RRAGC: variants seen among roughly 807,000 people sequenced by gnomAD.
RRAGC encodes ras-related GTP-binding protein C.
Under a neutral mutation model 37.1 loss-of-function variants are expected in RRAGC, and 8 were observed. That is an observed-to-expected ratio of 0.22 (90% CI 0.13 to 0.39). The LOEUF is 0.39. Among genes scored for constraint, RRAGC ranks in the 10% least tolerant of loss-of-function variants. RRAGC has a pLI of 1.00. For synonymous variants in RRAGC, 190 were observed against 181.1 expected (o/e 1.05, Z -0.39); for missense variants, 342 against 497.6 (o/e 0.69, Z 2.98).
chr1:38,845,786 T>C (rs902836115), intron 6 of RRAGC, among the ~76,000 whole-genome samples, 153 bp downstream of exon 6: 2 of 152,124 alleles, frequency 1.3e-5, no homozygotes, highest in Non-Finnish European at 2.9e-5. Context: ...GTCTGGACTA[T>C]ACATGGAAGG....
At chr1:38,848,220 T>C (rs1011922577) in intron 5 of RRAGC, 5 of 152,144 alleles carry the variant, frequency 3.3e-5, no homozygotes, top group African/African-American at 1.2e-4. Context: ...TTTAAGAGTA[T>C]AGAAGAAAAC....
Position 38,857,002 on chromosome 1 carries a change from A to T in RRAGC, c.318T>A (p.Asn106Lys). 4 of 1,614,042 alleles carry T rather than the reference A, an allele frequency of 2.5e-6. No homozygotes were observed. Among genetic ancestry groups the T allele is most frequent in the Non-Finnish European group, 3.4e-6 (4 of 1,179,922 alleles). Residue 106 changes from asparagine (N) to lysine (K), a missense_variant, in exon 2 of 7, where the codon AAT (asparagine) becomes AAA (lysine). Asn to Lys is a moderately conservative substitution (Grantham distance 94). Coordinates refer to ENST00000373001, the MANE Select transcript of RRAGC (RefSeq NM_022157.4). ...TNKIYKDDIS[N>K]SSFVNFQIWD... Reference sequence around the variant, plus strand: ...ATATCTGGAAATTCACAAAGGAGCTATTGGAAATGTCATCCTTATAAATCT... The same window carrying T: ...ATATCTGGAAATTCACAAAGGAGCTTTTGGAAATGTCATCCTTATAAATCT...
Position 38,856,981 on chromosome 1 carries a change from C to T in RRAGC, c.339G>A (p.Gln113=). 6.2e-7 allele frequency: 1 copy of T among 1,614,054 alleles called. No individual in the cohort carries two copies. The highest frequency in any genetic ancestry group is 8.5e-7 in the Non-Finnish European group (1 of 1,179,974). ...CCATTTGCCCAGGAAAATCCCATAT[C>T]TGGAAATTCACAAAGGAGCTATTGG... is the stretch of plus-strand genomic sequence containing the variant. The part of the protein sequence containing the change: ...DISNSSFVNF[Q]IWDFPGQMDF... Residue 113 remains glutamine, a synonymous_variant, in exon 2 of 7, where the codon CAG becomes CAA. Coordinates refer to ENST00000373001, the MANE Select transcript of RRAGC (RefSeq NM_022157.4).
chr1:38,858,119 C>G (rs1642189423), intron 1 of RRAGC, among the ~76,000 whole-genome samples: 1 of 151,354 alleles, frequency 6.6e-6, no homozygotes, highest in Non-Finnish European at 1.5e-5. Context: ...TAAAAACCTA[C>G]AGTCAACGTA....
Position 38,856,753 on chromosome 1 carries a change from A to G in RRAGC, c.441+126T>C. On this transcript the variant is annotated intron_variant, in intron 2 of 6. Transcript: ENST00000373001. ...AAAGCACTCTGCAACTGCATCTCTT[A>G]CACTGTTAGGGAATCTACTGCCAAA... 3.6e-6 allele frequency: 3 copies of G among 829,750 alleles called. No homozygotes were observed. In the East Asian group the frequency reaches 7.7e-5, roughly 21 times the overall value. The allele number at this position is 829,750 out of a possible 1,614,324, so 51.4% of individuals were successfully genotyped here.
rs1641920110 is a variant in RRAGC at position 38,839,190 on chromosome 1, A to T, written c.*363T>A. On this transcript the variant is annotated 3_prime_UTR_variant, in exon 7 of 7. Coordinates refer to ENST00000373001, the MANE Select transcript of RRAGC (RefSeq NM_022157.4). ...AGCATATAAAAATTCAGTCTTTTCT[A>T]TTATTTTCAACTGGAATTGATGGCA... 5.4e-6 allele frequency: 1 copy of T among 183,630 alleles called. No individual in the cohort carries two copies. The highest frequency in any genetic ancestry group is 6.0e-5 in the Admixed American group (1 of 16,620). 11.4% of individuals were successfully genotyped at this position (183,630 alleles called of 1,614,324 possible). A position where few individuals can be genotyped will look rare whatever the true frequency, so the allele number is the denominator to read the frequency against.
At chr1:38,844,409 C>T (rs34513634) in intron 6 of RRAGC, among the ~76,000 whole-genome samples, 9,769 of 146,246 alleles carry the variant, frequency 0.067, 384 homozygotes, top group Middle Eastern at 0.16. Context: ...CTAGAAAATA[C>T]GCAAGCAGAA....
At chr1:38,846,598 A>G (rs1463081347) in intron 5 of RRAGC, 2 of 152,522 alleles carry the variant, frequency 1.3e-5, no homozygotes, top group Non-Finnish European at 2.9e-5. Flanking sequence ...TACTTAGACT[A>G]AACAAGAACA....
rs755057549 is a variant in RRAGC at position 38,839,563 on chromosome 1, T to A, written c.1190A>T (p.Asn397Ile). ...ACGCTGGGATTCAGACTAGATGGCG[T>A]TTCGTGGCGTGCCATTGTGTGTCAG... ...KALTHNGTPR[N>I]AI The change falls in exon 7 of 7, where the codon AAC (asparagine) becomes ATC (isoleucine). Residue 397 changes from asparagine to isoleucine, a missense_variant. Asn to Ile is a moderately radical substitution (Grantham distance 149). Around this residue, in one of 3 missense-constraint regions of RRAGC, gnomAD observed 104 missense variants for 127.0 expected, o/e 0.82. Coordinates refer to ENST00000373001, the MANE Select transcript of RRAGC (RefSeq NM_022157.4). 1.9e-6 allele frequency: 3 copies of A among 1,613,782 alleles called. No homozygotes were observed. In the African/African-American group the frequency reaches 4.0e-5, roughly 22 times the overall value.
Position 38,839,658 on chromosome 1 carries a change from C to T in RRAGC, c.1095G>A (p.Glu365=), listed in dbSNP as rs1220291424. 1 of 1,614,046 alleles carries T rather than the reference C, an allele frequency of 6.2e-7. No individual in the cohort carries two copies. Among genetic ancestry groups the T allele is most frequent in the Non-Finnish European group, 8.5e-7 (1 of 1,180,032 alleles). ...NFHCFRKAIH[E]VFEVGVTSHR... The stretch of plus-strand genomic sequence containing the variant: ...GAGAAGTCACACCCACCTCAAAAAC[C>T]TCATGAATAGCTTTTCGGAAACAGT... The change falls in exon 7 of 7, where the codon GAG becomes GAA. Residue 365 remains glutamate (E), a synonymous_variant. Coordinates refer to ENST00000373001, the MANE Select transcript of RRAGC (RefSeq NM_022157.4).
intron 2 of RRAGC, 30 bp downstream of exon 2, chr1:38,856,849 G>T (rs753753230): frequency 1.9e-6 from 3 of 1,596,032 alleles, no homozygotes; most frequent in Non-Finnish European, 2.6e-6. Flanking sequence ...TTTCCCACCA[G>T]GAAAGAGGAG....
At chr1:38,857,966 C>CAA in intron 1 of RRAGC, among the ~76,000 whole-genome samples, 1 of 144,944 alleles carries the variant, frequency 6.9e-6, no homozygotes, top group South Asian at 2.2e-4. Flanking sequence ...AACAAACAAA[C>CAA]AAAAAAAAAA....
intron 5 of RRAGC, among the ~76,000 whole-genome samples, chr1:38,848,391 C>T (rs1435501144): frequency 1.3e-5 from 2 of 152,064 alleles, no homozygotes; most frequent in East Asian, 3.9e-4. Context: ...AAGATGATTC[C>T]CTAAACCAGT....
chr1:38,859,768 A>G lies in RRAGC; in HGVS notation c.-122T>C, dbSNP rs1275946727. On this transcript the variant is annotated 5_prime_UTR_variant, in exon 1 of 7. Transcript: ENST00000373001. ...CGCCACCGCCCCCGGCAGCCGCCAC[A>G]GTCCGGCCCGCCCCCCGGAGCCCGG... is the stretch of plus-strand genomic sequence containing the variant. The G allele has an allele frequency of 1.0e-5, 9 of 868,206 alleles. No individual in the cohort carries two copies. The South Asian group carries it at 2.2e-4, about 21-fold the overall frequency. The allele number at this position is 868,206 out of a possible 1,614,324, so 53.8% of individuals were successfully genotyped here.
chr1:38,847,110 A>AG (rs1367748143), intron 5 of RRAGC: 1 of 152,200 alleles, frequency 6.6e-6, no homozygotes, highest in Non-Finnish European at 1.5e-5. Context: ...ACTCTGTCTC[A>AG]GGGAAAAAAA....
intron 5 of RRAGC, among the ~76,000 whole-genome samples, chr1:38,849,914 G>A (rs894148444): frequency 7.9e-5 from 12 of 151,960 alleles, no homozygotes; most frequent in Admixed American, 2.0e-4. Context: ...ATTATGTAAA[G>A]AATTAAAACA....
intron 2 of RRAGC, 23 bp downstream of exon 2, chr1:38,856,856 G>A (rs1199984335): frequency 1.9e-6 from 3 of 1,603,250 alleles, no homozygotes; most frequent in Admixed American, 3.3e-5. Flanking sequence ...CCAGGAAAGA[G>A]GAGTAAACAC....
chr1:38,847,431 A>AACACACACACACACACAC (rs138424781), intron 5 of RRAGC: 5 of 142,900 alleles, frequency 3.5e-5, no homozygotes, highest in African/African-American at 1.4e-4. Flanking sequence ...GCAACACAAG[A>AACACACACACACACACAC]ACACACACAC....
chr1:38,839,864 C>T (rs1175801555), intron 6 of RRAGC, among the ~76,000 whole-genome samples, 160 bp from the exon 7 acceptor site: 5 of 152,082 alleles, frequency 3.3e-5, no homozygotes, highest in Non-Finnish European at 5.9e-5. Flanking sequence ...AGCTGGTCAT[C>T]GGTCAGGTGC....
Sources: gnomAD v4.1 joint callset for allele counts (sites outside exome capture counted in the v4.1 genomes callset) on GRCh38, gnomAD v4.1.1 for gene constraint, gnomAD v4.1.1 regional missense constraint, MANE v1.5 for transcripts, NCBI Gene and HGNC (gene_info 2026-07-23, HGNC 2026-07-21) for gene names.